Variants in KANSL1L observed in about 807,000 individuals in gnomAD.
The protein encoded by KANSL1L is KAT8 regulatory NSL complex subunit 1 like.
A neutral mutation model predicts 108.6 loss-of-function variants in KANSL1L; 25 were observed. The observed-to-expected ratio is 0.23, with a 90% CI of 0.17 to 0.32. The LOEUF (loss-of-function observed/expected upper bound fraction) is 0.32, where lower values mean the gene tolerates loss of function less well. Among genes scored for constraint, KANSL1L ranks in the 10% least tolerant of loss-of-function variants. KANSL1L has a pLI of 1.00. For missense variants in KANSL1L, 1,137 were observed against 1,125.7 expected (o/e 1.01, Z -0.14); for synonymous variants, 405 against 395.1 (o/e 1.03, Z -0.30).
intron 3 of KANSL1L, 134 bp from the exon 4 acceptor site, chr2:210,104,435 C>T (rs1575537367): frequency 1.5e-6 from 1 of 652,690 alleles, no homozygotes; most frequent in Non-Finnish European, 2.6e-6. Flanking sequence ...GATAGTTTAA[C>T]TCTGTAAAGA....
chr2:210,137,073 T>C (rs1036941437), intron 2 of KANSL1L, among the ~76,000 whole-genome samples: 3 of 152,194 alleles, frequency 2.0e-5, no homozygotes, highest in African/African-American at 7.2e-5. Context: ...TAAAGCTTCA[T>C]ATCCTGGGTC....
At chr2:210,110,990 T>C (rs1575550910) in intron 3 of KANSL1L, among the ~76,000 whole-genome samples, 1 of 152,120 alleles carries the variant, frequency 6.6e-6, no homozygotes, top group Admixed American at 6.5e-5. Context: ...TGCATTCTTG[T>C]AGTCCCATCT....
chr2:210,149,982 A>AT (rs1467859576), intron 2 of KANSL1L, among the ~76,000 whole-genome samples: 2 of 152,048 alleles, frequency 1.3e-5, no homozygotes, highest in Non-Finnish European at 2.9e-5. Context: ...ATTTAGTATT[A>AT]TTGATTTGTA....
At chr2:210,089,929 G>C (rs2094677321) in intron 5 of KANSL1L, among the ~76,000 whole-genome samples, 1 of 151,730 alleles carries the variant, frequency 6.6e-6, no homozygotes, top group African/African-American at 2.4e-5. Flanking sequence ...AATGTCTTTA[G>C]TAACAGCTGG....
Position 210,153,993 on chromosome 2 carries a change from T to G in KANSL1L, c.590A>C (p.Gln197Pro). The G allele has an allele frequency of 6.2e-7, 1 of 1,613,876 alleles. No homozygotes were observed. The highest frequency in any genetic ancestry group is 8.5e-7 in the Non-Finnish European group (1 of 1,180,034). ...TGAGTGGCCAGGTACAATTTTCTTT[T>G]GAGTACAGTGCAATAAACCCTTTTT... Reference protein sequence around the residue: ...EIKKGLLHCTQKKIVPGHSNV... With the variant: ...EIKKGLLHCTPKKIVPGHSNV... Residue 197 changes from glutamine to proline, a missense_variant, in exon 2 of 15, where the codon CAA becomes CCA. Gln to Pro is a moderately conservative substitution (Grantham distance 76). This residue lies in a region of KANSL1L where 556 missense variants were observed against 537.7 expected (regional missense o/e 1.03). Transcript: ENST00000281772.
intron 6 of KANSL1L, among the ~76,000 whole-genome samples, chr2:210,071,979 T>C (rs927023321): frequency 2.0e-5 from 3 of 152,232 alleles, no homozygotes; most frequent in East Asian, 1.9e-4. Flanking sequence ...GTGTATTTCA[T>C]AGAATAAGGA....
chr2:210,150,725 T>A (rs1445895536), intron 2 of KANSL1L, among the ~76,000 whole-genome samples: 4 of 147,838 alleles, frequency 2.7e-5, no homozygotes, highest in Non-Finnish European at 5.9e-5. Context: ...GAGGTTGCAG[T>A]GAGCCGAGAT....
intron 2 of KANSL1L, 48 bp downstream of exon 2, chr2:210,153,447 C>A: frequency 7.2e-7 from 1 of 1,393,228 alleles, no homozygotes. Context: ...AAGATAATTG[C>A]TGCTATATAT....
In KANSL1L at chr2:210,070,148, C is replaced by T. The variant is rs1468290093; in HGVS notation, c.1755+5404G>A. Among the ~76,000 whole-genome samples, 7 of 147,946 alleles carry T rather than the reference C, an allele frequency of 4.7e-5. No individual in the cohort carries two copies. The East Asian group carries it at 1.2e-3, about 26-fold the overall frequency. ...CTGCTTGGCCCCTGACATTCTTTAA[C>T]TTGTGGAAGCATAACTCAAATCTCT... On this transcript the variant is annotated intron_variant, in intron 6 of 14. Transcript: ENST00000281772.
At chr2:210,136,266 T>C (rs1310438774) in intron 2 of KANSL1L, among the ~76,000 whole-genome samples, 2 of 152,012 alleles carry the variant, frequency 1.3e-5, no homozygotes, top group Non-Finnish European at 2.9e-5. Context: ...TCTTCTTCTC[T>C]TATTATCTAT....
intron 5 of KANSL1L, among the ~76,000 whole-genome samples, chr2:210,085,159 T>C (rs2094625741): frequency 6.6e-6 from 1 of 152,174 alleles, no homozygotes; most frequent in Non-Finnish European, 1.5e-5. Context: ...AAAAGGCTTA[T>C]CAATGAAATA....
At chr2:210,068,063 AGAT>A (rs894881618) in intron 6 of KANSL1L, among the ~76,000 whole-genome samples, 6 of 151,922 alleles carry the variant, frequency 3.9e-5, no homozygotes, top group Admixed American at 3.3e-4. Context: ...TTTTTAGTAG[AGAT>A]GAGGTTTCAC....
intron 2 of KANSL1L, among the ~76,000 whole-genome samples, chr2:210,142,743 C>T (rs2095239344): frequency 6.6e-6 from 1 of 151,816 alleles, no homozygotes; most frequent in African/African-American, 2.4e-5. Flanking sequence ...TCTTGATTTC[C>T]ACATATTTGT....
upstream of KANSL1L, among the ~76,000 whole-genome samples, chr2:210,172,099 G>A (rs530779538): frequency 5.9e-5 from 9 of 151,976 alleles, no homozygotes; most frequent in Non-Finnish European, 1.0e-4. Context: ...ATAAACAAAC[G>A]GAGTTTATGT....
intron 5 of KANSL1L, among the ~76,000 whole-genome samples, chr2:210,087,294 C>T (rs1468220994): frequency 6.6e-6 from 1 of 152,114 alleles, no homozygotes; most frequent in Non-Finnish European, 1.5e-5. Context: ...TTGGAATTAA[C>T]AGGCATGAGC....
rs144233394 is a variant in KANSL1L, at chr2:210,075,644, A to G, written c.1663T>C (p.Phe555Leu). 37 of 1,613,954 alleles carry G rather than the reference A, an allele frequency of 2.3e-5. No individual in the cohort carries two copies. The African/African-American group carries it at 4.7e-4, about 20-fold the overall frequency. Residue 555 changes from phenylalanine (F) to leucine (L), a missense_variant, in exon 6 of 15, where the codon TTC becomes CTC. By Grantham distance (22) the Phe-to-Leu change is conservative. Coordinates refer to ENST00000281772, the MANE Select transcript of KANSL1L (RefSeq NM_152519.4). ...RTRLKSSSLT[F>L]MSTSARTRPL... Reference sequence around the variant, plus strand: ...CTTGTTCGGGCTGATGTACTCATGAAAGTCAAGGATGAAGATTTCAGTCTT... The same window carrying G: ...CTTGTTCGGGCTGATGTACTCATGAGAGTCAAGGATGAAGATTTCAGTCTT...
chr2:210,106,555 G>A (rs2094848642), intron 3 of KANSL1L, among the ~76,000 whole-genome samples: 1 of 151,886 alleles, frequency 6.6e-6, no homozygotes, highest in African/African-American at 2.4e-5. Flanking sequence ...GATCACTTGA[G>A]GCCAGGAGTT....
intron 2 of KANSL1L, among the ~76,000 whole-genome samples, chr2:210,140,962 A>G (rs1427255733): frequency 6.6e-6 from 1 of 152,088 alleles, no homozygotes; most frequent in Non-Finnish European, 1.5e-5. Flanking sequence ...TTGTAGATTG[A>G]TTTTATATCC....
chr2:210,121,219 A>G (rs988673244), intron 3 of KANSL1L, among the ~76,000 whole-genome samples: 1 of 152,258 alleles, frequency 6.6e-6, no homozygotes, highest in Non-Finnish European at 1.5e-5. Context: ...AGCACTATGC[A>G]CAATAGCAAA....
Sources: allele counts gnomAD v4.1 joint callset (sites outside exome capture counted in the v4.1 genomes callset), GRCh38; gene constraint gnomAD v4.1.1; regional missense constraint gnomAD v4.1.1; transcripts MANE v1.5; gene names NCBI Gene and HGNC (gene_info 2026-07-23, HGNC 2026-07-21).